The following TPM3 variants were observed in gnomAD, a reference collection of about 807,000 sequenced individuals.
The protein encoded by TPM3 is tropomyosin 3, also known as tropomyosin alpha-3 chain.
TPM3 carries 16 observed loss-of-function variants against 43.1 expected under a neutral mutation model. The ratio of observed to expected loss-of-function variants is 0.37; its 90% CI spans 0.25 to 0.56. The LOEUF (loss-of-function observed/expected upper bound fraction) is 0.56. Ranked by LOEUF, TPM3 falls within the 20% of genes least tolerant of loss-of-function variation. The probability of loss-of-function intolerance (pLI) is 0.77; values close to 1 mark genes in which losing one functional copy is unlikely to be tolerated. For synonymous variants in TPM3, 101 were observed against 116.9 expected (o/e 0.86, Z 0.88); for missense variants, 176 against 337.2 (o/e 0.52, Z 3.74).
intron 3 of TPM3, 67 bp from the exon 4 acceptor site, chr1:154,173,268 G>T: frequency 7.5e-7 from 1 of 1,336,526 alleles, no homozygotes; most frequent in Non-Finnish European, 1.1e-6. Context: ...CACTCCAAGG[G>T]TCTCAGAACT....
chr1:154,166,575 A>AT lies in TPM3; in HGVS notation c.*1361dup, dbSNP rs1660992943. On this transcript the variant is annotated 3_prime_UTR_variant, in exon 10 of 10. Coordinates refer to ENST00000651641, the MANE Select transcript of TPM3 (RefSeq NM_152263.4). ...TAAAAGAAAAGCAAATTTTAAATAC[A>AT]TACCCTGCTGGGAAACTAAAGTACT... 2 of 1,052,738 alleles carry AT rather than the reference A, an allele frequency of 1.9e-6. No homozygotes were observed. Among genetic ancestry groups the AT allele is most frequent in the Admixed American group, 5.5e-5 (1 of 18,242 alleles). 65.2% of individuals were successfully genotyped at this position (1,052,738 alleles called of 1,614,324 possible). A position where few individuals can be genotyped will look rare whatever the true frequency, so the allele number is the denominator to read the frequency against.
At chr1:154,176,978 CAAAAAAAAAA>C (rs60774056) in intron 2 of TPM3, among the ~76,000 whole-genome samples, 3 of 55,876 alleles carry the variant, frequency 5.4e-5, no homozygotes, top group African/African-American at 1.9e-4. Flanking sequence ...AACTCCATTT[CAAAAAAAAAA>C]AAAAAAAAAG....
chr1:154,187,312 C>T, intron 2 of TPM3: 1 of 984,674 alleles, frequency 1.0e-6, no homozygotes, highest in South Asian at 4.7e-5. Context: ...ATTTAACCCA[C>T]AGGTGGTAGT....
chr1:154,158,081 AC>A (rs1349317528), downstream of TPM3, among the ~76,000 whole-genome samples: 1 of 152,194 alleles, frequency 6.6e-6, no homozygotes, highest in Non-Finnish European at 1.5e-5. Flanking sequence ...GAAATGGCTC[AC>A]CGGAGTTTGA....
chr1:154,174,370 A>G (rs12032283), intron 3 of TPM3, among the ~76,000 whole-genome samples: 5,607 of 26,728 alleles, frequency 0.21, 769 homozygotes, highest in African/African-American at 0.5. Flanking sequence ...ATATATGTGT[A>G]TATATATATA....
Position 154,177,180 on chromosome 1 carries a change from T to C in TPM3, c.244-932A>G, listed in dbSNP as rs576172469. Among the ~76,000 whole-genome samples the C allele has an allele frequency of 1.2e-4, 18 of 152,276 alleles. No individual in the cohort carries two copies. In the South Asian group the frequency reaches 2.5e-3, roughly 21 times the overall value. On this transcript the variant is annotated intron_variant, in intron 2 of 9. Transcript: ENST00000651641. ...GCCTACTCACCAGCCCTTCAACTTG[T>C]GCCCCCGTACTCCTTTTTTAAGTTG...
chr1:154,170,530 T>G (rs1170397816), intron 7 of TPM3, 61 bp from the exon 8 acceptor site: 4 of 1,605,228 alleles, frequency 2.5e-6, no homozygotes. Flanking sequence ...CAATCTCTAT[T>G]TCTTCCACCT....
chr1:154,170,480 T>C lies in TPM3; in HGVS notation c.706-11A>G, dbSNP rs752438266. 2 of 1,614,128 alleles carry C rather than the reference T, an allele frequency of 1.2e-6. No homozygotes were observed. The highest frequency in any genetic ancestry group is 1.1e-5 in the South Asian group (1 of 91,088). On this transcript the variant is annotated splice_polypyrimidine_tract_variant and intron_variant, in intron 7 of 9. Transcript: ENST00000651641. ...AGCACGGGTCTCTGCCTGGGGGAAATATGAAATTAGTCAGAACCAGAGATG... is the reference window on the plus strand; with the variant it reads ...AGCACGGGTCTCTGCCTGGGGGAAACATGAAATTAGTCAGAACCAGAGATG...
chr1:154,174,437 A>G (rs1662056039), intron 3 of TPM3, among the ~76,000 whole-genome samples: 1 of 130,386 alleles, frequency 7.7e-6, no homozygotes, highest in Non-Finnish European at 1.6e-5. Context: ...CAGCTTCCCC[A>G]AAGTAATAAT....
Position 154,166,645 on chromosome 1 carries a change from A to G in TPM3, c.*1292T>C, listed in dbSNP as rs1661004590. ...GCTTGGATTAGTATAATTCACAGCT[A>G]TACTATTAAGAAATCTCTGCTGTGT... On this transcript the variant is annotated 3_prime_UTR_variant, in exon 10 of 10. Coordinates refer to ENST00000651641, the MANE Select transcript of TPM3 (RefSeq NM_152263.4). 1 of 1,033,976 alleles carries G rather than the reference A, an allele frequency of 9.7e-7. No homozygotes were observed. Among genetic ancestry groups the G allele is most frequent in the Admixed American group, 5.7e-5 (1 of 17,590 alleles). The allele number at this position is 1,033,976 out of a possible 1,614,324, so 64.1% of individuals were successfully genotyped here. A position where few individuals can be genotyped will look rare whatever the true frequency, so the allele number is the denominator to read the frequency against.
In TPM3 at chr1:154,172,916, C is replaced by G; in HGVS notation, c.558G>C (p.Leu186=). 1 of 1,614,186 alleles carries G rather than the reference C, an allele frequency of 6.2e-7. No individual in the cohort carries two copies. Residue 186 remains leucine (L), a synonymous_variant, in exon 5 of 10, where the codon CTG becomes CTC. Coordinates refer to ENST00000651641, the MANE Select transcript of TPM3 (RefSeq NM_152263.4). ...GGGAGCTAGATACTCACGACTCTGC[C>G]AGCTCAGCTCGTTCCTCTGTGCGTT... ...DLERTEERAE[L]AESKCSELEE... is the part of the protein sequence containing the mutation.
chr1:154,166,494 T>C lies in TPM3; in HGVS notation c.*1443A>G. 2.9e-6 allele frequency: 3 copies of C among 1,042,574 alleles called. No homozygotes were observed. The highest frequency in any genetic ancestry group is 3.5e-6 in the Non-Finnish European group (3 of 860,750). 64.6% of individuals were successfully genotyped at this position (1,042,574 alleles called of 1,614,324 possible). A position where few individuals can be genotyped will look rare whatever the true frequency, so the allele number is the denominator to read the frequency against. On this transcript the variant is annotated 3_prime_UTR_variant, in exon 10 of 10. Coordinates refer to ENST00000651641, the MANE Select transcript of TPM3 (RefSeq NM_152263.4). Reference sequence around the variant, plus strand: ...AACTCCTGGGCTCAAGCAATCCTCCTGCCTCAGCCTCCCAAGAAGCTACAG... The same window carrying C: ...AACTCCTGGGCTCAAGCAATCCTCCCGCCTCAGCCTCCCAAGAAGCTACAG...
intron 2 of TPM3, among the ~76,000 whole-genome samples, chr1:154,181,879 C>G (rs1558059613): frequency 6.6e-6 from 1 of 152,104 alleles, no homozygotes; most frequent in East Asian, 1.9e-4. Context: ...CGAGATCATG[C>G]CATTGCACTC....
At position 154,166,791 on chromosome 1, in the gene TPM3, C is replaced by G; in HGVS notation, c.*1146G>C. On this transcript the variant is annotated 3_prime_UTR_variant, in exon 10 of 10. Coordinates refer to ENST00000651641, the MANE Select transcript of TPM3 (RefSeq NM_152263.4). ...CCGCCTCCCAGGTGCAAGCGATTCT[C>G]CTGCCTCAGCCTCCCGAGTAGCTGG... The G allele has an allele frequency of 7.6e-6, 5 of 654,092 alleles. No homozygotes were observed. Among genetic ancestry groups the G allele is most frequent in the Non-Finnish European group, 9.5e-6 (5 of 527,766 alleles). 40.5% of individuals were successfully genotyped at this position (654,092 alleles called of 1,614,324 possible).
At chr1:154,185,241 G>A (rs1571447661) in intron 2 of TPM3, among the ~76,000 whole-genome samples, 1 of 149,544 alleles carries the variant, frequency 6.7e-6, no homozygotes, top group South Asian at 2.1e-4. Context: ...GTGTGGTGGT[G>A]CACACCTGTA....
chr1:154,167,815 C>T lies in TPM3; in HGVS notation c.*122G>A, dbSNP rs1486987416. ...AAATACATAAGTTGCTTTTTGCTCCCCCATCCTAATGCCTTGGGGACCAGC... is the reference window on the plus strand; with the variant it reads ...AAATACATAAGTTGCTTTTTGCTCCTCCATCCTAATGCCTTGGGGACCAGC... On this transcript the variant is annotated 3_prime_UTR_variant, in exon 10 of 10. Transcript: ENST00000651641. The T allele has an allele frequency of 1.3e-6, 2 of 1,594,504 alleles. No homozygotes were observed. The highest frequency in any genetic ancestry group is 2.7e-5 in the African/African-American group (2 of 73,942).
At chr1:154,183,307 A>C in intron 2 of TPM3, 2 of 1,485,146 alleles carry the variant, frequency 1.3e-6, no homozygotes, top group South Asian at 2.6e-5. Context: ...CACTGGAGGG[A>C]GAGCCGCGGC....
chr1:154,183,486 A>T, intron 2 of TPM3: 1 of 445,246 alleles, frequency 2.2e-6, no homozygotes, highest in Non-Finnish European at 4.1e-6. Context: ...GCCCCTTTGC[A>T]GGTAGTCGGC....
intron 9 of TPM3, among the ~76,000 whole-genome samples, chr1:154,168,393 A>T (rs1661214263): frequency 6.6e-6 from 1 of 152,234 alleles, no homozygotes; most frequent in Admixed American, 6.5e-5. Context: ...TACCTCTAGC[A>T]GTATCCCTTC....
Sources: allele counts gnomAD v4.1 joint callset (sites outside exome capture counted in the v4.1 genomes callset), GRCh38; gene constraint gnomAD v4.1.1; transcripts MANE v1.5; gene names NCBI Gene and HGNC (gene_info 2026-07-23, HGNC 2026-07-21).